Variants in ANOS1 observed in about 807,000 individuals in gnomAD.
ANOS1 encodes the protein anosmin-1.
In ANOS1, 6 loss-of-function variants were observed where a neutral mutation model predicts 59.0. The ratio of observed to expected loss-of-function variants is 0.10; its 90% CI spans 0.06 to 0.20. The LOEUF (loss-of-function observed/expected upper bound fraction) is 0.20, where lower values mean the gene tolerates loss of function less well. ANOS1 is among the 10% of genes least tolerant of loss of function. The pLI, the probability that ANOS1 is intolerant of heterozygous loss-of-function variation, is 1.00. For missense variants in ANOS1, 433 were observed against 542.3 expected (o/e 0.80, Z 2.00); for synonymous variants, 217 against 223.4 (o/e 0.97, Z 0.25).
At chrX:8,726,136 A>C (rs1158648581) in intron 1 of ANOS1, among the ~76,000 whole-genome samples, 2 of 111,158 alleles carry the variant, frequency 1.8e-5, no homozygotes. Context: ...CATTCCTCTG[A>C]AATCTGTGAG....
chrX:8,668,430 T>TATATATATATATACAC (rs1394731479), intron 2 of ANOS1, among the ~76,000 whole-genome samples: 3 of 80,256 alleles, frequency 3.7e-5, no homozygotes, highest in African/African-American at 9.9e-5. Context: ...TATATATATA[T>TATATATATATATACAC]ACACACACAT....
intron 9 of ANOS1, among the ~76,000 whole-genome samples, chrX:8,551,604 C>CAA (rs1266844600): frequency 2.4e-4 from 22 of 91,607 alleles, no homozygotes; most frequent in African/African-American, 7.4e-4. Flanking sequence ...GAAACTCCAT[C>CAA]AAAAAAAAAA....
At chrX:8,559,947 C>T (rs970576314) in intron 8 of ANOS1, among the ~76,000 whole-genome samples, 3 of 111,725 alleles carry the variant, frequency 2.7e-5, no homozygotes, top group African/African-American at 9.8e-5. Flanking sequence ...CTCAGAAACA[C>T]GCACATGGTA....
intron 4 of ANOS1, among the ~76,000 whole-genome samples, chrX:8,591,776 C>T (rs761665920): frequency 8.0e-5 from 9 of 112,399 alleles, no homozygotes; most frequent in South Asian, 7.3e-4. Flanking sequence ...ACTGCCGGGG[C>T]GCACAGTCCT....
At chrX:8,683,555 C>G (rs960283349) in intron 2 of ANOS1, among the ~76,000 whole-genome samples, 1 of 111,475 alleles carries the variant, frequency 9.0e-6, no homozygotes, top group Admixed American at 9.6e-5. Flanking sequence ...TCTAGAAGGA[C>G]AGGAATACTG....
At chrX:8,638,912 C>G (rs16985079) in intron 2 of ANOS1, among the ~76,000 whole-genome samples, 18,588 of 110,306 alleles carry the variant, frequency 0.17, 1,216 homozygotes, top group Admixed American at 0.24. Flanking sequence ...GTATAGCAGG[C>G]TTTATGTAGA....
At chrX:8,645,054 G>A (rs1488388573) in intron 2 of ANOS1, among the ~76,000 whole-genome samples, 1 of 112,610 alleles carries the variant, frequency 8.9e-6, no homozygotes. Flanking sequence ...CATTGATTGA[G>A]ACCTGTCTCC....
chrX:8,673,852 A>C (rs1932294155), intron 2 of ANOS1, among the ~76,000 whole-genome samples: 1 of 111,616 alleles, frequency 9.0e-6, no homozygotes, highest in African/African-American at 3.3e-5. Flanking sequence ...ATGCTTAGAG[A>C]ACAGGAACAA....
chrX:8,606,169 T>G (rs1930939435), intron 3 of ANOS1, among the ~76,000 whole-genome samples: 3 of 112,353 alleles, frequency 2.7e-5, no homozygotes, highest in Admixed American at 1.9e-4. Flanking sequence ...TAGGTAAAAT[T>G]TATCATGCAT....
chrX:8,555,249 T>C (rs1282412477), intron 8 of ANOS1, among the ~76,000 whole-genome samples: 2 of 111,688 alleles, frequency 1.8e-5, no homozygotes, highest in Admixed American at 9.6e-5. Flanking sequence ...GGGAAATTTA[T>C]AGCACGAAAT....
intron 8 of ANOS1, among the ~76,000 whole-genome samples, chrX:8,554,571 G>C (rs368723522): frequency 0.014 from 461 of 32,118 alleles, 1 homozygote; most frequent in Non-Finnish European, 0.021. Context: ...TTTTTTTTTT[G>C]TTGTTGTTGT....
At chrX:8,617,303 A>C (rs1931193378) in intron 3 of ANOS1, among the ~76,000 whole-genome samples, 1 of 112,479 alleles carries the variant, frequency 8.9e-6, no homozygotes, top group Non-Finnish European at 1.9e-5. Context: ...ATTTTAAGAC[A>C]TAAAACCAGT....
intron 9 of ANOS1, among the ~76,000 whole-genome samples, chrX:8,547,879 G>A (rs992141871): frequency 5.4e-5 from 6 of 110,998 alleles, no homozygotes; most frequent in African/African-American, 2.0e-4. Context: ...CCCATGCCCG[G>A]CTAATTTTTG....
At chrX:8,715,031 G>T (rs756509406) in intron 1 of ANOS1, among the ~76,000 whole-genome samples, 5 of 111,789 alleles carry the variant, frequency 4.5e-5, no homozygotes, top group Non-Finnish European at 7.5e-5. Context: ...TGATGCAAGC[G>T]CAAAGAGCAA....
chrX:8,558,027 A>G (rs962084489), intron 8 of ANOS1, among the ~76,000 whole-genome samples: 5 of 111,467 alleles, frequency 4.5e-5, no homozygotes, highest in Non-Finnish European at 9.4e-5. Context: ...TTGCAGGGAC[A>G]TGGATGAAGC....
In ANOS1 at chrX:8,677,483, G is replaced by A. The variant is rs1293704278; in HGVS notation, c.255+22215C>T. On this transcript the variant is annotated intron_variant, in intron 2 of 13. Transcript: ENST00000262648. ...TACTGAGATTCAAAAGATAAATGTT[G>A]GACGGATGGATACCCCCTTCTTCAT... Among the ~76,000 whole-genome samples, 3 of 111,499 alleles carry A rather than the reference G, an allele frequency of 2.7e-5. No homozygotes were observed. In the Admixed American group the frequency reaches 2.9e-4, roughly 11 times the overall value.
At chrX:8,594,658 G>GTGTATATATA (rs1555895592) in intron 4 of ANOS1, among the ~76,000 whole-genome samples, 3 of 33,576 alleles carry the variant, frequency 8.9e-5, no homozygotes, top group Non-Finnish European at 9.7e-5. Context: ...ATATATATGT[G>GTGTATATATA]TATATATATA....
rs1312692290 is a variant in ANOS1 at position 8,532,683 on chromosome X, A to G, written c.*312T>C. The stretch of plus-strand genomic sequence containing the variant: ...GGAGTTTGGTGCTCCAAATTCAGGG[A>G]AAACTGAGTTCTGTTGTAATTCAAT... On this transcript the variant is annotated 3_prime_UTR_variant, in exon 14 of 14. Transcript: ENST00000262648. 1.0e-5 allele frequency: 2 copies of G among 194,598 alleles called. No individual in the cohort carries two copies. The highest frequency in any genetic ancestry group is 1.9e-5 in the Non-Finnish European group (2 of 105,623). The allele number at this position is 194,598 out of a possible 1,213,427, so 16.0% of individuals were successfully genotyped here. A position where few individuals can be genotyped will look rare whatever the true frequency, so the allele number is the denominator to read the frequency against.
At chrX:8,535,986 T>C (rs992705036) in intron 11 of ANOS1, among the ~76,000 whole-genome samples, 175 bp from the exon 12 acceptor site, 2 of 110,688 alleles carry the variant, frequency 1.8e-5, no homozygotes, top group African/African-American at 6.6e-5. Context: ...TGGGGATAGG[T>C]TGAGTAGGAA....
Sources: allele counts gnomAD v4.1 joint callset (sites outside exome capture counted in the v4.1 genomes callset), GRCh38; gene constraint gnomAD v4.1.1; transcripts MANE v1.5; gene names NCBI Gene and HGNC (gene_info 2026-07-23, HGNC 2026-07-21).